TLN2: variants seen among roughly 807,000 people sequenced by gnomAD.
The protein encoded by TLN2 is talin 2, also known as talin-2.
In TLN2, 118 loss-of-function variants were observed where a neutral mutation model predicts 294.7. The observed-to-expected ratio is 0.40, with a 90% CI of 0.34 to 0.47. The LOEUF (loss-of-function observed/expected upper bound fraction) is 0.47. Among genes scored for constraint, TLN2 ranks in the 20% least tolerant of loss-of-function variants. The probability of loss-of-function intolerance (pLI) is 0.84; values close to 1 mark genes in which losing one functional copy is unlikely to be tolerated. For missense variants in TLN2, 3,083 were observed against 3,282.2 expected, an observed-to-expected ratio of 0.94 and a Z score of 1.48; for synonymous variants, 1,431 against 1,304.5, an observed-to-expected ratio of 1.10 and a Z score of -2.09.
chr15:62,768,007 C>T (rs994355339), intron 41 of TLN2, among the ~76,000 whole-genome samples: 2 of 152,158 alleles, frequency 1.3e-5, no homozygotes, highest in African/African-American at 4.8e-5. Context: ...CCATCTCTTA[C>T]CTTCTAAAAG....
intron 3 of TLN2, among the ~76,000 whole-genome samples, chr15:62,646,505 A>G (rs2051864794): frequency 6.6e-6 from 1 of 152,180 alleles, no homozygotes; most frequent in Admixed American, 6.5e-5. Context: ...AAGAAACAAA[A>G]TATCTCCATA....
intron 51 of TLN2, among the ~76,000 whole-genome samples, chr15:62,807,068 A>T (rs1469000277): frequency 6.6e-6 from 1 of 152,016 alleles, no homozygotes; most frequent in African/African-American, 2.4e-5. Flanking sequence ...TGTGTTGGAA[A>T]AGACAGGGCT....
chr15:62,797,088 T>C (rs2065539807), intron 47 of TLN2, 131 bp from the exon 48 acceptor site: 1 of 941,476 alleles, frequency 1.1e-6, no homozygotes, highest in Non-Finnish European at 1.6e-6. Context: ...TAAAGGGAGG[T>C]GTAACACAGC....
chr15:62,440,677 C>T (rs534773639), intron 1 of TLN2, among the ~76,000 whole-genome samples: 8 of 152,140 alleles, frequency 5.3e-5, no homozygotes, highest in East Asian at 1.9e-4. Context: ...CCTGGATCCC[C>T]GCAGCAGGAA....
At chr15:62,730,233 G>C (rs1374255289) in intron 28 of TLN2, among the ~76,000 whole-genome samples, 1 of 151,818 alleles carries the variant, frequency 6.6e-6, no homozygotes, top group South Asian at 2.1e-4. Context: ...GTAGAGACGG[G>C]GTTTCACCGT....
intron 1 of TLN2, among the ~76,000 whole-genome samples, chr15:62,483,068 C>T (rs1301329447): frequency 6.6e-6 from 1 of 152,222 alleles, no homozygotes; most frequent in Non-Finnish European, 1.5e-5. Flanking sequence ...CAGTTCCCTT[C>T]CTCTGTTCTT....
rs2070916596 is a variant in TLN2, at chr15:62,843,575, G to A, written c.*2965G>A. 1 of 152,290 alleles carries A rather than the reference G, an allele frequency of 6.6e-6. No homozygotes were observed. Among genetic ancestry groups the A allele is most frequent in the African/African-American group, 2.4e-5 (1 of 41,462 alleles). 9.4% of individuals were successfully genotyped at this position (152,290 alleles called of 1,614,324 possible). A position where few individuals can be genotyped will look rare whatever the true frequency, so the allele number is the denominator to read the frequency against. The stretch of plus-strand genomic sequence containing the variant: ...GGCCTTAAGAAATGAGCTGCCTGTA[G>A]CCTCACGGCATATGCTTTTATCAGG... On this transcript the variant is annotated 3_prime_UTR_variant, in exon 59 of 59. Transcript: ENST00000636159.
chr15:62,671,568 T>C (rs1002373464), intron 9 of TLN2, among the ~76,000 whole-genome samples: 2 of 152,204 alleles, frequency 1.3e-5, no homozygotes, highest in African/African-American at 4.8e-5. Flanking sequence ...CTTGGAACCC[T>C]TGTTGAAAAT....
At chr15:62,552,821 A>G (rs2042397994) in intron 1 of TLN2, among the ~76,000 whole-genome samples, 1 of 152,254 alleles carries the variant, frequency 6.6e-6, no homozygotes, top group African/African-American at 2.4e-5. Context: ...TTTTGTGATC[A>G]GAGGCTTGTA....
At chr15:62,554,344 A>T (rs374076820) in intron 1 of TLN2, among the ~76,000 whole-genome samples, 2 of 148,892 alleles carry the variant, frequency 1.3e-5, no homozygotes, top group East Asian at 3.9e-4. Flanking sequence ...AGTATGAGGA[A>T]GTGAGACCTT....
At chr15:62,655,866 C>T in intron 7 of TLN2, 78 bp from the exon 8 acceptor site, 1 of 1,525,034 alleles carries the variant, frequency 6.6e-7, no homozygotes. Flanking sequence ...ATCTGCATCA[C>T]ACTGCTCTTT....
At position 62,840,639 on chromosome 15, in the gene TLN2, G is replaced by T. The variant is rs1438873197; in HGVS notation, c.*29G>T. ...TGCGAGCCCAGATGGCGAGCCCCAG[G>T]GGATGGCCCTGGCTGAACTGGACAG... On this transcript the variant is annotated 3_prime_UTR_variant, in exon 59 of 59. Coordinates refer to ENST00000636159, the MANE Select transcript of TLN2 (RefSeq NM_015059.3). 4 of 1,609,946 alleles carry T rather than the reference G, an allele frequency of 2.5e-6. No homozygotes were observed. The East Asian group carries it at 8.9e-5, about 36-fold the overall frequency.
chr15:62,610,530 C>T (rs896933389), intron 2 of TLN2, among the ~76,000 whole-genome samples: 5 of 152,174 alleles, frequency 3.3e-5, no homozygotes, highest in East Asian at 1.9e-4. Context: ...TGCTTAGGAA[C>T]GCTAGACAGC....
intron 34 of TLN2, among the ~76,000 whole-genome samples, chr15:62,751,883 T>C (rs1414501633): frequency 3.3e-5 from 5 of 152,268 alleles, no homozygotes; most frequent in African/African-American, 1.2e-4. Context: ...CAAAGATCTC[T>C]ATTTAAATTT....
chr15:62,596,015 C>CA (rs1181979894), intron 2 of TLN2, among the ~76,000 whole-genome samples: 3 of 152,156 alleles, frequency 2.0e-5, no homozygotes, highest in Non-Finnish European at 4.4e-5. Flanking sequence ...GTGGCTCACG[C>CA]CTGTAATCTC....
At chr15:62,749,871 C>T (rs985532016) in intron 33 of TLN2, among the ~76,000 whole-genome samples, 4 of 152,122 alleles carry the variant, frequency 2.6e-5, no homozygotes, top group Admixed American at 6.5e-5. Context: ...CAACAAGAAA[C>T]GTTTTCTATA....
At chr15:62,426,702 C>T (rs866463535) in intron 1 of TLN2, among the ~76,000 whole-genome samples, 22 of 152,218 alleles carry the variant, frequency 1.4e-4, no homozygotes, top group Middle Eastern at 3.4e-3. Context: ...TCTAGTTGGT[C>T]CAAAGCTTCA....
Position 62,698,648 on chromosome 15 carries a change from G to T in TLN2, c.1474-106G>T. 3 of 843,836 alleles carry T rather than the reference G, an allele frequency of 3.6e-6. No homozygotes were observed. The South Asian group carries it at 4.6e-5, about 13-fold the overall frequency. The allele number at this position is 843,836 out of a possible 1,614,324, so 52.3% of individuals were successfully genotyped here. A position where few individuals can be genotyped will look rare whatever the true frequency, so the allele number is the denominator to read the frequency against. On this transcript the variant is annotated intron_variant, in intron 15 of 58. Transcript: ENST00000636159. ...AGGCGCTTGTTGAGATGTAGCCTGG[G>T]CTGCTTTGTCTTGAGTGCAGAGTTC... is the stretch of plus-strand genomic sequence containing the variant.
intron 36 of TLN2, chr15:62,754,442 A>G (rs2062111242): frequency 6.6e-5 from 10 of 152,358 alleles, no homozygotes; most frequent in Admixed American, 6.5e-4. Context: ...CAGCACAGAA[A>G]GAAGCCAGAA....
Sources: gnomAD v4.1 joint callset for allele counts (sites outside exome capture counted in the v4.1 genomes callset) on GRCh38, gnomAD v4.1.1 for gene constraint, MANE v1.5 for transcripts, NCBI Gene and HGNC (gene_info 2026-07-23, HGNC 2026-07-21) for gene names.